The following FBLN2 variants were observed in gnomAD, a reference collection of about 807,000 sequenced individuals.
FBLN2 encodes fibulin-2.
Under a neutral mutation model 123.7 loss-of-function variants are expected in FBLN2, and 81 were observed. That is an observed-to-expected ratio of 0.65 (90% CI 0.55 to 0.79). The LOEUF (loss-of-function observed/expected upper bound fraction) is 0.79. FBLN2 is among the 30% of genes least tolerant of loss of function. The probability of loss-of-function intolerance (pLI) is 0.00; values close to 1 mark genes in which losing one functional copy is unlikely to be tolerated. For missense variants in FBLN2, 1,603 were observed against 1,681.3 expected, an observed-to-expected ratio of 0.95 and a Z score of 0.81; for synonymous variants, 699 against 701.4, an observed-to-expected ratio of 1.00 and a Z score of 0.05.
At chr3:13,603,904 T>G (rs1435564875) in intron 2 of FBLN2, among the ~76,000 whole-genome samples, 1 of 152,334 alleles carries the variant, frequency 6.6e-6, no homozygotes, top group East Asian at 1.9e-4. Flanking sequence ...ACCTGTTGTT[T>G]CCTGACTTTT....
chr3:13,557,086 C>T (rs1444542810), intron 1 of FBLN2, among the ~76,000 whole-genome samples: 1 of 152,254 alleles, frequency 6.6e-6, no homozygotes, highest in Non-Finnish European at 1.5e-5. Flanking sequence ...CTTTTATTTC[C>T]ACTTCAAGAG....
chr3:13,576,699 G>C (rs143299260), intron 2 of FBLN2, among the ~76,000 whole-genome samples: 2 of 148,316 alleles, frequency 1.3e-5, no homozygotes, highest in Non-Finnish European at 3.0e-5. Context: ...GAATTACTGA[G>C]AGAAGGGGTG....
At chr3:13,615,158 T>C (rs1018243609) in intron 5 of FBLN2, among the ~76,000 whole-genome samples, 1 of 152,236 alleles carries the variant, frequency 6.6e-6, no homozygotes, top group Non-Finnish European at 1.5e-5. Flanking sequence ...ATTAGCCTCC[T>C]CTGTGCCTGG....
chr3:13,567,472 C>G lies in FBLN2; in HGVS notation c.-41-2843C>G, dbSNP rs28399359. 9.1e-3 allele frequency among the ~76,000 whole-genome samples: 1,379 copies of G among 152,336 alleles called. 23 individuals carry two copies. Among genetic ancestry groups the G allele is most frequent in the African/African-American group, 0.031 (1,288 of 41,584 alleles). ...TCCGGGGTTCAAGCAGTTCTCCTGCCTCATCCTCCTGAGTTGCTGGGATTA... is the reference window on the plus strand; with the variant it reads ...TCCGGGGTTCAAGCAGTTCTCCTGCGTCATCCTCCTGAGTTGCTGGGATTA... On this transcript the variant is annotated intron_variant, in intron 1 of 17. Transcript: ENST00000404922.
chr3:13,550,509 G>A (rs1025880131), intron 1 of FBLN2, among the ~76,000 whole-genome samples: 1 of 152,266 alleles, frequency 6.6e-6, no homozygotes, highest in Non-Finnish European at 1.5e-5. Context: ...TGGTTTGGGT[G>A]CTTGTGTCTA....
intron 2 of FBLN2, among the ~76,000 whole-genome samples, chr3:13,586,175 G>A (rs1704491166): frequency 6.6e-6 from 1 of 152,020 alleles, no homozygotes; most frequent in Non-Finnish European, 1.5e-5. Context: ...TTATGTCTTA[G>A]TTTCTTTTTT....
Position 13,614,017 on chromosome 3 carries a change from G to T in FBLN2, c.1582G>T (p.Val528Leu), listed in dbSNP as rs1209276084. 13 of 1,613,150 alleles carry T rather than the reference G, an allele frequency of 8.1e-6. No homozygotes were observed. Among genetic ancestry groups the T allele is most frequent in the South Asian group, 1.1e-5 (1 of 91,074 alleles). Residue 528 changes from valine (V) to leucine (L), a missense_variant, in exon 5 of 18, where the codon GTG (valine) becomes TTG (leucine). By Grantham distance (32) the Val-to-Leu change is conservative. Transcript: ENST00000404922. ...TGACTGCTGTGGCCTGGGCCTCCGCGTGCGGGCCGAGGGCCAGTCGTGTGA... is the reference window on the plus strand; with the variant it reads ...TGACTGCTGTGGCCTGGGCCTCCGCTTGCGGGCCGAGGGCCAGTCGTGTGA... ...CCDCCGLGLR[V>L]RAEGQSCESN...
At chr3:13,609,997 C>T (rs929945492) in intron 4 of FBLN2, among the ~76,000 whole-genome samples, 2 of 152,048 alleles carry the variant, frequency 1.3e-5, no homozygotes, top group African/African-American at 4.8e-5. Flanking sequence ...TGGTTGCAGG[C>T]GATTGTGCTA....
chr3:13,570,904 T>C lies in FBLN2; in HGVS notation c.549T>C (p.Asp183=), dbSNP rs781277209. 1.8e-5 allele frequency: 29 copies of C among 1,612,658 alleles called. No homozygotes were observed. The highest frequency in any genetic ancestry group is 2.2e-5 in the East Asian group (1 of 44,852). Residue 183 remains aspartate (D), a synonymous_variant, in exon 2 of 18, where the codon GAT becomes GAC. Transcript: ENST00000404922. ...CCGGTTGCCACGGGAACTTCTCAGA[T>C]GCCGAGGAGGGTGACCCCGAGCGAC... ...QLPGCHGNFS[D]AEEGDPERHY...
chr3:13,566,182 GCTT>G (rs954636264), intron 1 of FBLN2, among the ~76,000 whole-genome samples: 28 of 152,304 alleles, frequency 1.8e-4, no homozygotes, highest in African/African-American at 5.1e-4. Flanking sequence ...ATCTCCAGGG[GCTT>G]CTTTTTTCAG....
chr3:13,631,516 A>C, intron 16 of FBLN2, 59 bp downstream of exon 16: 1 of 1,519,688 alleles, frequency 6.6e-7, no homozygotes, highest in Admixed American at 2.1e-5. Context: ...GGCTCCAAGC[A>C]GGCACAGAAA....
intron 13 of FBLN2, 148 bp from the exon 14 acceptor site, chr3:13,629,672 C>T (rs1706184524): frequency 8.6e-7 from 1 of 1,160,924 alleles, no homozygotes; most frequent in African/African-American, 1.6e-5. Flanking sequence ...CTCTTTGCCT[C>T]TCTCTTTCCC....
intron 14 of FBLN2, 51 bp downstream of exon 14, chr3:13,629,996 C>T (rs1375510994): frequency 1.9e-6 from 3 of 1,595,306 alleles, no homozygotes; most frequent in East Asian, 4.5e-5. Flanking sequence ...CTGTAGTGGG[C>T]AGACCCGCCG....
intron 2 of FBLN2, among the ~76,000 whole-genome samples, chr3:13,605,733 G>T (rs1233086873): frequency 6.6e-6 from 1 of 152,148 alleles, no homozygotes; most frequent in Non-Finnish European, 1.5e-5. Flanking sequence ...AGAGCGTCTG[G>T]GTCCTTGATG....
At position 13,618,263 on chromosome 3, in the gene FBLN2, C is replaced by G; in HGVS notation, c.1917C>G (p.Asp639Glu). The G allele has an allele frequency of 6.2e-7, 1 of 1,613,856 alleles. No individual in the cohort carries two copies. The highest frequency in any genetic ancestry group is 8.5e-7 in the Non-Finnish European group (1 of 1,179,884). ...CACFPGFSLQ[D>E]DGRTCRPEGH... ...GCTTTCCTGGCTTCTCACTGCAGGA[C>G]GATGGCCGCACTTGCCGCCCAGGTA... Residue 639 changes from aspartate to glutamate, a missense_variant, in exon 6 of 18, where the codon GAC becomes GAG. Asp to Glu is a conservative substitution (Grantham distance 45, BLOSUM62 2). Transcript: ENST00000404922.
At chr3:13,629,355 C>T (rs1706172184) in intron 13 of FBLN2, 63 bp downstream of exon 13, 2 of 1,511,286 alleles carry the variant, frequency 1.3e-6, no homozygotes, top group Non-Finnish European at 8.9e-7. Flanking sequence ...CCTCTGTGCA[C>T]TCCACCTCCC....
rs1158251419 is a variant in FBLN2, at chr3:13,609,747, G to A, written c.1548+105G>A. On this transcript the variant is annotated intron_variant, in intron 4 of 17. Transcript: ENST00000404922. Reference sequence around the variant, plus strand: ...GCCCAAGAAGTTAGGCTGTCCTTGGGGCTCCTCCTGGGAGTGACCCTCACG... The same window carrying A: ...GCCCAAGAAGTTAGGCTGTCCTTGGAGCTCCTCCTGGGAGTGACCCTCACG... The A allele has an allele frequency of 1.1e-5, 15 of 1,370,460 alleles. No individual in the cohort carries two copies. The East Asian group carries it at 1.3e-4, about 11-fold the overall frequency. The allele number at this position is 1,370,460 out of a possible 1,614,324, so 84.9% of individuals were successfully genotyped here.
chr3:13,622,098 C>G (rs768286743), intron 9 of FBLN2, among the ~76,000 whole-genome samples, 183 bp downstream of exon 9: 2 of 152,202 alleles, frequency 1.3e-5, no homozygotes, highest in Non-Finnish European at 2.9e-5. Flanking sequence ...GCTTGGCTGC[C>G]AGCTCCACCC....
In FBLN2 at chr3:13,636,537, T is replaced by C. The variant is rs1256491260; in HGVS notation, c.3307T>C (p.Cys1103Arg). Residue 1103 changes from cysteine (C) to arginine (R), a missense_variant, in exon 17 of 18, where the codon TGT (cysteine) becomes CGT (arginine). Cys to Arg is a radical substitution (Grantham distance 180, BLOSUM62 -3). Transcript: ENST00000404922. ...TAGCTTCCGCTGCCTGCGCTTCGAG[T>C]GTCCTCCCAACTATGTCCAAGTCTC... is the stretch of plus-strand genomic sequence containing the variant. ...QGSFRCLRFECPPNYVQVSKT... is the reference protein window; with the variant it reads ...QGSFRCLRFERPPNYVQVSKT... 1 of 1,613,574 alleles carries C rather than the reference T, an allele frequency of 6.2e-7. No individual in the cohort carries two copies. Among genetic ancestry groups the C allele is most frequent in the African/African-American group, 1.3e-5 (1 of 75,016 alleles).
Sources: gnomAD v4.1 joint callset for allele counts (sites outside exome capture counted in the v4.1 genomes callset) on GRCh38, gnomAD v4.1.1 for gene constraint, MANE v1.5 for transcripts, NCBI Gene and HGNC (gene_info 2026-07-23, HGNC 2026-07-21) for gene names.